The following NEB variants were observed in gnomAD, a reference collection of about 807,000 sequenced individuals.
NEB encodes the protein nemaline myopathy type 2.
Under a neutral mutation model 952.2 loss-of-function variants are expected in NEB, and 512 were observed. The ratio of observed to expected loss-of-function variants is 0.54; its 90% CI spans 0.50 to 0.58. The LOEUF is 0.58. Ranked by LOEUF, NEB falls within the 20% of genes least tolerant of loss-of-function variation. The pLI is 0.00. For missense variants in NEB, 8,428 were observed against 9,231.1 expected, an observed-to-expected ratio of 0.91 and a Z score of 3.56; for synonymous variants, 2,900 against 3,149.8, an observed-to-expected ratio of 0.92 and a Z score of 2.66.
chr2:151,574,404 T>A (rs1015425888), intron 107 of NEB, among the ~76,000 whole-genome samples: 1 of 152,242 alleles, frequency 6.6e-6, no homozygotes, highest in African/African-American at 2.4e-5. Flanking sequence ...AATGAGAAGT[T>A]TGGTCACTGA....
At chr2:151,492,797 C>G (rs972769824) in intron 176 of NEB, 2 of 219,988 alleles carry the variant, frequency 9.1e-6, no homozygotes, top group Admixed American at 1.1e-4. Context: ...TCAACATATT[C>G]GATGGTATTT....
Position 151,625,534 on chromosome 2 carries a change from C to T in NEB, c.10452G>A (p.Glu3484=). ...AAAGAAATAAAACAAATGATCTTAC[C>T]TCACTATAATTTATTTTATTTTGTC... The part of the protein sequence containing the change: ...LARQNKINYS[E]SLYRQAMEEA... The change falls in exon 71 of 182, where the codon GAG becomes GAA. Residue 3484 remains glutamate, a splice_region_variant and synonymous_variant. Coordinates refer to ENST00000397345, the MANE Select transcript of NEB (RefSeq NM_001164508.2). 1 of 1,575,364 alleles carries T rather than the reference C, an allele frequency of 6.3e-7. No individual in the cohort carries two copies. The highest frequency in any genetic ancestry group is 8.7e-7 in the Non-Finnish European group (1 of 1,149,604).
chr2:151,734,222 C>T (rs75643374), intron 1 of NEB, among the ~76,000 whole-genome samples, 176 bp downstream of exon 1: 10 of 152,260 alleles, frequency 6.6e-5, no homozygotes, highest in East Asian at 3.9e-4. Context: ...TAATCACACA[C>T]GGTACATAGC....
In NEB at chr2:151,549,722, G is replaced by A; in HGVS notation, c.19963C>T (p.Leu6655=). 4 of 1,587,154 alleles carry A rather than the reference G, an allele frequency of 2.5e-6. No individual in the cohort carries two copies. The highest frequency in any genetic ancestry group is 3.4e-6 in the Non-Finnish European group (4 of 1,165,574). ...CTATATCCAGTGGGCAGGGTGCGCA[G>A]GCTGGTTTTGTATAGATTCTGCAGG... ...LQSSNLYKTS[L]RTLPTGYRLP... Residue 6655 remains leucine, a synonymous_variant, in exon 130 of 182, where the codon CTG becomes TTG. Transcript: ENST00000397345.
At chr2:151,531,188 A>G (rs1301936946) in intron 144 of NEB, 87 bp from the exon 145 acceptor site, 1 of 838,586 alleles carries the variant, frequency 1.2e-6, no homozygotes, top group Non-Finnish European at 2.0e-6. Flanking sequence ...TTCCTGAGTG[A>G]ATATAAAGGA....
Position 151,494,220 on chromosome 2 carries a change from C to A in NEB, c.24520G>T (p.Ala8174Ser). ...LYKENVGKAT[A>S]TPVTPEMQRV... ...TGCATCTCAGGAGTGACAGGGGTTG[C>A]GGTGGCTTTCCCCACATTTTCTTTG... Residue 8174 changes from alanine (A) to serine (S), a missense_variant, in exon 174 of 182, where the codon GCA (alanine) becomes TCA (serine). This residue lies in a region of NEB where 3,374 missense variants were observed against 3,651.5 expected (regional missense o/e 0.92). Transcript: ENST00000397345. The A allele has an allele frequency of 6.2e-7, 1 of 1,605,450 alleles. No homozygotes were observed. Among genetic ancestry groups the A allele is most frequent in the Non-Finnish European group, 8.5e-7 (1 of 1,175,388 alleles).
At chr2:151,730,656 G>T (rs752812755) in intron 3 of NEB, among the ~76,000 whole-genome samples, 27 of 147,912 alleles carry the variant, frequency 1.8e-4, no homozygotes, top group Admixed American at 1.2e-3. Context: ...AACACTTTAT[G>T]CTTCCTTTTT....
intron 27 of NEB, 41 bp downstream of exon 27, chr2:151,687,378 A>G: frequency 6.5e-7 from 1 of 1,527,176 alleles, no homozygotes; most frequent in South Asian, 1.1e-5. Flanking sequence ...CGTAACAGGG[A>G]GTCCATCTTG....
At chr2:151,702,355 G>A in intron 13 of NEB, among the ~76,000 whole-genome samples, 1 of 152,174 alleles carries the variant, frequency 6.6e-6, no homozygotes, top group Non-Finnish European at 1.5e-5. Flanking sequence ...GGTTTGGGGT[G>A]GAGAGCTCTG....
chr2:151,568,356 A>AG lies in NEB; in HGVS notation c.17695dup (p.Leu5899ProfsTer10), dbSNP rs2096502530. ...AGCAGCCTCCTGGGCAGTGTGCAGC[A>AG]GGGGGGTTTCTGTGAGGGTGTACTT... On this transcript the variant is annotated frameshift_variant, in exon 112 of 182. Coordinates refer to ENST00000397345, the MANE Select transcript of NEB (RefSeq NM_001164508.2). LOFTEE classifies it high-confidence loss of function. 6.2e-7 allele frequency: 1 copy of AG among 1,613,286 alleles called. No individual in the cohort carries two copies. The highest frequency in any genetic ancestry group is 1.1e-5 in the South Asian group (1 of 91,066).
In NEB at chr2:151,663,871, G is replaced by T. The variant is rs777559610; in HGVS notation, c.5452-12C>A. The T allele has an allele frequency of 3.1e-6, 5 of 1,605,030 alleles. No homozygotes were observed. Among genetic ancestry groups the T allele is most frequent in the Non-Finnish European group, 3.4e-6 (4 of 1,173,928 alleles). On this transcript the variant is annotated splice_polypyrimidine_tract_variant and intron_variant, in intron 44 of 181. Coordinates refer to ENST00000397345, the MANE Select transcript of NEB (RefSeq NM_001164508.2). ...TTCTTGTATTTGTACTGTGGACAGA[G>T]AAGAAATTATGGTGATGAAAATGGT...
rs747146562 is a variant in NEB at position 151,535,728 on chromosome 2, T to C, written c.21275A>G (p.Asn7092Ser). ...TTGAGTTGCATACTTGAAATGCCTATTGATCGGAGAGTCGGCAACATACTT... is the reference window on the plus strand; with the variant it reads ...TTGAGTTGCATACTTGAAATGCCTACTGATCGGAGAGTCGGCAACATACTT... ...DFKYVADSPI[N>S]RHFKYATQLM... is the part of the protein sequence containing the mutation. Residue 7092 changes from asparagine (N) to serine (S), a missense_variant, in exon 142 of 182, where the codon AAT becomes AGT. By Grantham distance (46) the Asn-to-Ser change is conservative. This residue lies in a region of NEB where 3,374 missense variants were observed against 3,651.5 expected (regional missense o/e 0.92). Transcript: ENST00000397345. 1 of 1,609,784 alleles carries C rather than the reference T, an allele frequency of 6.2e-7. No homozygotes were observed. Among genetic ancestry groups the C allele is most frequent in the Non-Finnish European group, 8.5e-7 (1 of 1,177,696 alleles).
In NEB at chr2:151,524,322, G is replaced by C. The variant is rs761910936; in HGVS notation, c.22468C>G (p.Leu7490Val). 1 of 1,613,768 alleles carries C rather than the reference G, an allele frequency of 6.2e-7. No individual in the cohort carries two copies. ...CCCATCTGCATTACCTGGCTGCTCA[G>C]CTTGGCTGCCTTCTTGGCCATTTCT... ...DIEMAKKAAK[L>V]SSQVKYRENF... Residue 7490 changes from leucine (L) to valine (V), a missense_variant, in exon 153 of 182, where the codon CTG becomes GTG. Physicochemically the swap from Leu to Val is conservative, Grantham distance 32. Around this residue, in one of 11 missense-constraint regions of NEB, gnomAD observed 3,374 missense variants for 3,651.5 expected, o/e 0.92. Coordinates refer to ENST00000397345, the MANE Select transcript of NEB (RefSeq NM_001164508.2).
chr2:151,493,545 T>C, intron 175 of NEB, 100 bp from the exon 176 acceptor site: 1 of 786,464 alleles, frequency 1.3e-6, no homozygotes, highest in Non-Finnish European at 2.0e-6. Flanking sequence ...GGCTCAGTTA[T>C]ATCACACTGA....
In NEB at chr2:151,696,726, T is replaced by C; in HGVS notation, c.1480A>G (p.Lys494Glu). ...AATTTTGTCTTATCTGGATGGACTT[T>C]GTAGGTGTGCTGTGGGGAAGCAAAG... is the stretch of plus-strand genomic sequence containing the variant. The part of the protein sequence containing the change: ...KLDQCKDHTY[K>E]VHPDKTKFTQ... The change falls in exon 17 of 182, where the codon AAA (lysine) becomes GAA (glutamate). Residue 494 changes from lysine to glutamate, a missense_variant. By Grantham distance (56) the Lys-to-Glu change is moderately conservative. Transcript: ENST00000397345. 1 of 1,613,686 alleles carries C rather than the reference T, an allele frequency of 6.2e-7. No individual in the cohort carries two copies. Among genetic ancestry groups the C allele is most frequent in the Non-Finnish European group, 8.5e-7 (1 of 1,179,660 alleles).
At chr2:151,553,197 G>A (rs746996111) in intron 127 of NEB, among the ~76,000 whole-genome samples, 3 of 152,140 alleles carry the variant, frequency 2.0e-5, no homozygotes, top group Non-Finnish European at 4.4e-5. Flanking sequence ...ACCAGAGGAC[G>A]ATGGCACACC....
chr2:151,492,555 T>A, intron 176 of NEB, 61 bp from the exon 177 acceptor site: 1 of 1,282,692 alleles, frequency 7.8e-7, no homozygotes, highest in Non-Finnish European at 1.1e-6. Context: ...TCAAAGCCTT[T>A]CCAGCAGATA....
In NEB at chr2:151,570,477, A is replaced by C; in HGVS notation, c.17118+20T>G. 1 of 1,582,646 alleles carries C rather than the reference A, an allele frequency of 6.3e-7. No individual in the cohort carries two copies. The highest frequency in any genetic ancestry group is 8.5e-7 in the Non-Finnish European group (1 of 1,169,704). On this transcript the variant is annotated intron_variant, in intron 108 of 181. Transcript: ENST00000397345. ...ATCGGCTGAAAAAAAAAAACTGAGA[A>C]GTTAAAAAAGGCCACTCACGTCACT...
chr2:151,645,261 T>C (rs1299554320), intron 55 of NEB, among the ~76,000 whole-genome samples: 1 of 152,230 alleles, frequency 6.6e-6, no homozygotes, highest in South Asian at 2.1e-4. Flanking sequence ...AAAGAGCATC[T>C]AATTCTTCTA....
Sources: allele counts gnomAD v4.1 joint callset (sites outside exome capture counted in the v4.1 genomes callset), GRCh38; gene constraint gnomAD v4.1.1; regional missense constraint gnomAD v4.1.1; transcripts MANE v1.5; gene names NCBI Gene and HGNC (gene_info 2026-07-23, HGNC 2026-07-21).